Variants in ANTXR2 observed in about 807,000 individuals in gnomAD.
The protein encoded by ANTXR2 is ANTXR cell adhesion molecule 2.
Under a neutral mutation model 73.7 loss-of-function variants are expected in ANTXR2, and 44 were observed. That is an observed-to-expected ratio of 0.60 (90% CI 0.47 to 0.77). The LOEUF is 0.77. ANTXR2 is among the 30% of genes least tolerant of loss of function. The probability of loss-of-function intolerance (pLI) is 0.00; values close to 1 mark genes in which losing one functional copy is unlikely to be tolerated. For missense variants in ANTXR2, 604 were observed against 592.5 expected (o/e 1.02, Z -0.20); for synonymous variants, 217 against 205.9 (o/e 1.05, Z -0.46).
At chr4:79,923,798 T>C (rs1045752772) in intron 16 of ANTXR2, among the ~76,000 whole-genome samples, 10 of 152,164 alleles carry the variant, frequency 6.6e-5, no homozygotes, top group Non-Finnish European at 1.2e-4. Context: ...TAAATAAATA[T>C]TTGTAGAAGA....
At chr4:79,963,087 T>C (rs1489794100) in intron 16 of ANTXR2, among the ~76,000 whole-genome samples, 1 of 152,132 alleles carries the variant, frequency 6.6e-6, no homozygotes, top group Non-Finnish European at 1.5e-5. Context: ...TATTTGAAGA[T>C]GACATGGTTT....
At chr4:80,033,866 C>T (rs1732823247) in intron 8 of ANTXR2, among the ~76,000 whole-genome samples, 1 of 151,924 alleles carries the variant, frequency 6.6e-6, no homozygotes, top group Admixed American at 6.6e-5. Context: ...ACAGTCATTC[C>T]CAGACAGATA....
At chr4:79,995,940 G>C (rs1730702631) in intron 12 of ANTXR2, among the ~76,000 whole-genome samples, 1 of 151,992 alleles carries the variant, frequency 6.6e-6, no homozygotes, top group African/African-American at 2.4e-5. Flanking sequence ...AGGCTCATCT[G>C]TGTGTTGTTA....
chr4:79,985,670 G>A (rs529839353), intron 12 of ANTXR2, among the ~76,000 whole-genome samples: 35 of 152,098 alleles, frequency 2.3e-4, no homozygotes, highest in African/African-American at 7.7e-4. Flanking sequence ...AGATGACTCC[G>A]GCCAAACTGG....
intron 12 of ANTXR2, among the ~76,000 whole-genome samples, chr4:79,985,956 C>T (rs1298898926): frequency 6.6e-6 from 1 of 150,384 alleles, no homozygotes; most frequent in African/African-American, 2.5e-5. Flanking sequence ...ATTCTCCTAT[C>T]TCAGCATCTG....
Position 80,054,261 on chromosome 4 carries a change from G to GGC in ANTXR2, c.636+10_636+11insGC. On this transcript the variant is annotated intron_variant, in intron 7 of 16. Transcript: ENST00000403729. Reference sequence around the variant, plus strand: ...GTTATGAGCCCTTCCTGCCCCCAGAGAAATACTCACAGAATTAATTATTCC... The same window carrying GGC: ...GTTATGAGCCCTTCCTGCCCCCAGAGGCAAATACTCACAGAATTAATTATTCC... The GGC allele has an allele frequency of 6.3e-7, 1 of 1,584,604 alleles. No homozygotes were observed. Among genetic ancestry groups the GGC allele is most frequent in the African/African-American group, 1.4e-5 (1 of 73,256 alleles).
intron 10 of ANTXR2, among the ~76,000 whole-genome samples, chr4:80,031,027 AAACTAAATTT>A (rs1335568839): frequency 6.6e-6 from 1 of 152,046 alleles, no homozygotes; most frequent in Non-Finnish European, 1.5e-5. Context: ...TCCTTCATCC[AAACTAAATTT>A]ATTTTTCTTT....
intron 12 of ANTXR2, 76 bp downstream of exon 12, chr4:80,008,445 A>G: frequency 8.7e-7 from 1 of 1,147,056 alleles, no homozygotes; most frequent in Non-Finnish European, 1.2e-6. Context: ...TTAACATGGC[A>G]TTTATTCATA....
chr4:79,989,437 A>G (rs1730360766), intron 12 of ANTXR2, among the ~76,000 whole-genome samples: 1 of 152,018 alleles, frequency 6.6e-6, no homozygotes, highest in African/African-American at 2.4e-5. Flanking sequence ...ATTGACCAAC[A>G]AAGAAATATT....
intron 16 of ANTXR2, among the ~76,000 whole-genome samples, chr4:79,922,153 T>C (rs2109946007): frequency 6.6e-6 from 1 of 152,168 alleles, no homozygotes; most frequent in East Asian, 1.9e-4. Context: ...AACTTGAAAT[T>C]CTATAGGCTA....
chr4:80,056,285 CA>C (rs1397178142), intron 3 of ANTXR2, among the ~76,000 whole-genome samples: 1 of 151,854 alleles, frequency 6.6e-6, no homozygotes, highest in Non-Finnish European at 1.5e-5. Context: ...GAGCTGAGAA[CA>C]GATATCTTCA....
intron 16 of ANTXR2, among the ~76,000 whole-genome samples, chr4:79,960,612 C>T (rs904227702): frequency 1.5e-4 from 23 of 151,846 alleles, no homozygotes; most frequent in Admixed American, 1.3e-4. Context: ...CAGGGGTATT[C>T]TTTCATTTCT....
rs975482135 is a variant in ANTXR2, at chr4:79,978,125, T to G, written c.1229A>C (p.Lys410Thr). ...AATCTTCACCACAGCATTTTTGGCT[T>G]TCTCTAGCCTTGCACCTTCCTCAGT... ...GSTEEGARLE[K>T]AKNAVVKIPE... The change falls in exon 15 of 17, where the codon AAA (lysine) becomes ACA (threonine). Residue 410 changes from lysine to threonine, a missense_variant. Transcript: ENST00000403729. The G allele has an allele frequency of 2.5e-6, 4 of 1,613,802 alleles. No individual in the cohort carries two copies. The African/African-American group carries it at 5.3e-5, about 22-fold the overall frequency.
At chr4:80,065,106 T>C (rs926234720) in intron 3 of ANTXR2, among the ~76,000 whole-genome samples, 4 of 152,222 alleles carry the variant, frequency 2.6e-5, no homozygotes, top group Non-Finnish European at 4.4e-5. Context: ...GCATGGAAAG[T>C]ATTTTGCACA....
intron 11 of ANTXR2, among the ~76,000 whole-genome samples, chr4:80,010,693 A>G (rs764603431): frequency 6.6e-6 from 1 of 152,198 alleles, no homozygotes; most frequent in Non-Finnish European, 1.5e-5. Context: ...CAGAACACAA[A>G]GTAGATGGGC....
intron 12 of ANTXR2, among the ~76,000 whole-genome samples, chr4:79,993,764 A>G (rs201053522): frequency 2.1e-5 from 3 of 140,104 alleles, no homozygotes; most frequent in Non-Finnish European, 3.1e-5. Context: ...ACACACGCAC[A>G]CACACACACA....
chr4:80,065,000 G>A (rs145875978), intron 3 of ANTXR2, among the ~76,000 whole-genome samples: 18 of 152,252 alleles, frequency 1.2e-4, no homozygotes, highest in African/African-American at 3.9e-4. Flanking sequence ...TGGACAAGCC[G>A]CTTTATCATT....
At chr4:80,040,764 A>G (rs111992125) in intron 7 of ANTXR2, among the ~76,000 whole-genome samples, 8 of 9,480 alleles carry the variant, frequency 8.4e-4, no homozygotes, top group Middle Eastern at 0.071. Flanking sequence ...ACACACACAT[A>G]CACACACACA....
chr4:79,963,227 G>A (rs559249320), intron 16 of ANTXR2, among the ~76,000 whole-genome samples: 2 of 152,010 alleles, frequency 1.3e-5, no homozygotes, highest in Non-Finnish European at 2.9e-5. Context: ...TTCACAAGCA[G>A]GACTGAAAGG....
Sources: allele counts gnomAD v4.1 joint callset (sites outside exome capture counted in the v4.1 genomes callset), GRCh38; gene constraint gnomAD v4.1.1; transcripts MANE v1.5; gene names NCBI Gene and HGNC (gene_info 2026-07-23, HGNC 2026-07-21).